The following DLC1 variants were observed in gnomAD, a reference collection of about 807,000 sequenced individuals.
DLC1 encodes the protein DLC1 Rho GTPase activating protein.
A neutral mutation model predicts 140.3 loss-of-function variants in DLC1; 54 were observed. That is an observed-to-expected ratio of 0.38 (90% CI 0.31 to 0.48). The LOEUF (loss-of-function observed/expected upper bound fraction) is 0.48. DLC1 is among the 20% of genes least tolerant of loss of function. The pLI is 0.96. For synonymous variants in DLC1, 986 were observed against 728.1 expected (o/e 1.35, Z -5.70); for missense variants, 2,536 against 1,907.0 (o/e 1.33, Z -6.14).
chr8:13,107,270 T>G (rs1402149023), intron 7 of DLC1, among the ~76,000 whole-genome samples: 1 of 152,142 alleles, frequency 6.6e-6, no homozygotes. Context: ...TTGCCCTGAG[T>G]AGAAAAAGAA....
intron 4 of DLC1, among the ~76,000 whole-genome samples, chr8:13,327,888 A>T (rs10097466): frequency 0.86 from 130,291 of 152,198 alleles, 56,182 homozygotes; most frequent in East Asian, 0.95. Context: ...TCATTTAGCT[A>T]TTCTGAGGAA....
intron 5 of DLC1, among the ~76,000 whole-genome samples, chr8:13,157,238 G>A (rs955953602): frequency 1.6e-4 from 25 of 152,082 alleles, no homozygotes; most frequent in African/African-American, 5.1e-4. Context: ...AATACTCTAT[G>A]ACATTAAGGA....
At chr8:13,481,643 G>C (rs578073153) in intron 2 of DLC1, among the ~76,000 whole-genome samples, 1 of 152,268 alleles carries the variant, frequency 6.6e-6, no homozygotes, top group South Asian at 2.1e-4. Flanking sequence ...CCGTTGTACT[G>C]TTATATGAAA....
chr8:13,522,769 G>T (rs1802803700), intron 1 of DLC1, among the ~76,000 whole-genome samples: 1 of 151,950 alleles, frequency 6.6e-6, no homozygotes, highest in East Asian at 1.9e-4. Flanking sequence ...AGGATTGAGG[G>T]GCAATCATGT....
At chr8:13,333,102 A>C (rs1385591308) in intron 4 of DLC1, among the ~76,000 whole-genome samples, 2 of 152,216 alleles carry the variant, frequency 1.3e-5, no homozygotes, top group East Asian at 3.8e-4. Context: ...CTACTTATAT[A>C]AATTGTTTAA....
intron 1 of DLC1, among the ~76,000 whole-genome samples, chr8:13,531,275 G>A (rs938387935): frequency 2.0e-5 from 3 of 152,154 alleles, no homozygotes; most frequent in Non-Finnish European, 4.4e-5. Flanking sequence ...TTTACATTGA[G>A]TTACATTTAC....
chr8:13,220,934 AG>A (rs1828513328), intron 5 of DLC1, among the ~76,000 whole-genome samples: 1 of 152,204 alleles, frequency 6.6e-6, no homozygotes, highest in African/African-American at 2.4e-5. Flanking sequence ...AATGTCAGCA[AG>A]ACAGGCTGTG....
intron 1 of DLC1, among the ~76,000 whole-genome samples, chr8:13,551,440 G>A (rs187117319): frequency 7.9e-5 from 12 of 152,062 alleles, no homozygotes; most frequent in African/African-American, 1.9e-4. Flanking sequence ...GCCTAAGAAC[G>A]AGTCTATGGG....
intron 2 of DLC1, among the ~76,000 whole-genome samples, chr8:13,455,385 G>A (rs1799335867): frequency 6.6e-6 from 1 of 151,976 alleles, no homozygotes; most frequent in African/African-American, 2.4e-5. Flanking sequence ...TTCAGAACAG[G>A]AGCCAAAGAT....
chr8:13,231,461 A>G (rs1347361206), intron 5 of DLC1, among the ~76,000 whole-genome samples: 2 of 152,138 alleles, frequency 1.3e-5, no homozygotes, highest in Admixed American at 6.5e-5. Context: ...ATTCCTGTAT[A>G]TTTTACATTT....
intron 5 of DLC1, among the ~76,000 whole-genome samples, chr8:13,183,688 C>A (rs986600229): frequency 6.6e-6 from 1 of 152,100 alleles, no homozygotes; most frequent in African/African-American, 2.4e-5. Flanking sequence ...GGTGGATAAG[C>A]TTTTTGATGT....
chr8:13,478,095 A>G (rs1355905963), intron 2 of DLC1, among the ~76,000 whole-genome samples: 1 of 152,156 alleles, frequency 6.6e-6, no homozygotes, highest in East Asian at 1.9e-4. Flanking sequence ...AGACTGGGTA[A>G]TTTATAAAGA....
chr8:13,205,556 A>G, intron 5 of DLC1, among the ~76,000 whole-genome samples: 1 of 152,198 alleles, frequency 6.6e-6, no homozygotes, highest in East Asian at 1.9e-4. Flanking sequence ...TGGAAGAAGA[A>G]GAATTGTCTT....
intron 4 of DLC1, among the ~76,000 whole-genome samples, chr8:13,339,239 G>C (rs1041027377): frequency 6.6e-6 from 1 of 152,184 alleles, no homozygotes; most frequent in African/African-American, 2.4e-5. Flanking sequence ...AACTATGCAA[G>C]TGATAGAATA....
intron 4 of DLC1, among the ~76,000 whole-genome samples, chr8:13,373,570 C>T (rs1475646146): frequency 6.6e-6 from 1 of 152,010 alleles, no homozygotes; most frequent in East Asian, 1.9e-4. Flanking sequence ...AAACAGTTTG[C>T]CATAGGATTT....
chr8:13,309,769 C>T (rs1241948505), intron 4 of DLC1, among the ~76,000 whole-genome samples: 1 of 152,136 alleles, frequency 6.6e-6, no homozygotes, highest in African/African-American at 2.4e-5. Context: ...CGCACAGAAG[C>T]TGCTAACGTA....
rs369351409 is a variant in DLC1 at position 13,382,562 on chromosome 8, A to T, written c.1314+10991T>A. On this transcript the variant is annotated intron_variant, in intron 4 of 17. Transcript: ENST00000276297. The stretch of plus-strand genomic sequence containing the variant: ...GAGGAGACAGATAAGCTAAAGGAGT[A>T]TTAAAATATAAAGGTGCCAGAATTT... Among the ~76,000 whole-genome samples the T allele has an allele frequency of 2.1e-4, 32 of 150,654 alleles. No homozygotes were observed. The East Asian group carries it at 5.6e-3, about 27-fold the overall frequency.
intron 5 of DLC1, among the ~76,000 whole-genome samples, chr8:13,283,764 C>G (rs569999574): frequency 6.6e-6 from 1 of 152,306 alleles, no homozygotes; most frequent in African/African-American, 2.4e-5. Context: ...ATTCTCCCGC[C>G]TCTGCCTCCC....
chr8:13,454,129 G>A (rs540059601), intron 2 of DLC1, among the ~76,000 whole-genome samples: 64 of 152,122 alleles, frequency 4.2e-4, no homozygotes, highest in African/African-American at 1.1e-3. Flanking sequence ...TTTGGACTAC[G>A]TGCAATTTGG....
Sources: allele counts gnomAD v4.1 joint callset (sites outside exome capture counted in the v4.1 genomes callset), GRCh38; gene constraint gnomAD v4.1.1; transcripts MANE v1.5; gene names NCBI Gene and HGNC (gene_info 2026-07-23, HGNC 2026-07-21).